The following PDE11A variants were observed in gnomAD, a reference collection of about 807,000 sequenced individuals.
The protein encoded by PDE11A is dual 3',5'-cyclic-AMP and -GMP phosphodiesterase 11A.
Under a neutral mutation model 100.5 loss-of-function variants are expected in PDE11A, and 100 were observed. The observed-to-expected ratio is 1.00, with a 90% CI of 0.85 to 1.18. The LOEUF (loss-of-function observed/expected upper bound fraction) is 1.18, where lower values mean the gene tolerates loss of function less well. Ranked by LOEUF, PDE11A falls within the 50% of genes most tolerant of loss-of-function variation. PDE11A has a pLI of 0.00. For synonymous variants in PDE11A, 381 were observed against 420.8 expected (o/e 0.91, Z 1.16); for missense variants, 1,141 against 1,152.6 (o/e 0.99, Z 0.15).
At chr2:177,782,800 CTT>C (rs2082472573) in intron 9 of PDE11A, among the ~76,000 whole-genome samples, 1 of 151,872 alleles carries the variant, frequency 6.6e-6, no homozygotes. Context: ...TTTCTCCCTC[CTT>C]TTTCTTCTCT....
intron 17 of PDE11A, among the ~76,000 whole-genome samples, chr2:177,673,288 G>A (rs1158681199): frequency 6.6e-6 from 1 of 152,204 alleles, no homozygotes; most frequent in Non-Finnish European, 1.5e-5. Flanking sequence ...GAAGAAGGCA[G>A]TTTGACCTTC....
intron 19 of PDE11A, among the ~76,000 whole-genome samples, chr2:177,660,124 TTTC>T (rs2080462913): frequency 2.6e-5 from 3 of 113,898 alleles, no homozygotes; most frequent in African/African-American, 9.4e-5. Flanking sequence ...TCTTTCTTTC[TTTC>T]TTTCATTCCT....
intron 10 of PDE11A, among the ~76,000 whole-genome samples, chr2:177,746,679 C>T (rs568987899): frequency 6.6e-6 from 1 of 152,266 alleles, no homozygotes; most frequent in Non-Finnish European, 1.5e-5. Context: ...AATTGCAATC[C>T]TAGATTCCTA....
In PDE11A at chr2:178,072,115, C is replaced by T; in HGVS notation, c.323G>A (p.Gly108Asp). Reference sequence around the variant, plus strand: ...AGCTCTCCGCTGCAGGTTCCCATCGCCCCTGCTGCCACCGGCCCAGCTGGG... The same window carrying T: ...AGCTCTCCGCTGCAGGTTCCCATCGTCCCTGCTGCCACCGGCCCAGCTGGG... ...LSPSWAGGSR[G>D]DGNLQRRASQ... is the part of the protein sequence containing the mutation. Residue 108 changes from glycine to aspartate, a missense_variant, in exon 1 of 20, where the codon GGC (glycine) becomes GAC (aspartate). Coordinates refer to ENST00000286063, the MANE Select transcript of PDE11A (RefSeq NM_016953.4). 1 of 1,613,724 alleles carries T rather than the reference C, an allele frequency of 6.2e-7. No homozygotes were observed. The highest frequency in any genetic ancestry group is 8.5e-7 in the Non-Finnish European group (1 of 1,179,638).
intron 15 of PDE11A, among the ~76,000 whole-genome samples, chr2:177,695,485 A>G (rs1404643200): frequency 1.3e-5 from 2 of 152,146 alleles, no homozygotes; most frequent in Admixed American, 6.5e-5. Flanking sequence ...CTGTACTTCT[A>G]CTTGCTAAAT....
chr2:177,902,909 C>A (rs80189011), intron 3 of PDE11A, among the ~76,000 whole-genome samples: 2,832 of 152,332 alleles, frequency 0.019, 52 homozygotes, highest in South Asian at 0.046. Flanking sequence ...TAAGTCCTCT[C>A]ACTGCTCCAG....
At chr2:177,784,436 C>T (rs1481638935) in intron 9 of PDE11A, among the ~76,000 whole-genome samples, 2 of 151,966 alleles carry the variant, frequency 1.3e-5, no homozygotes, top group Non-Finnish European at 2.9e-5. Context: ...GGAGAGGATC[C>T]CTCAATTCTG....
intron 9 of PDE11A, among the ~76,000 whole-genome samples, chr2:177,778,952 G>C (rs2082415727): frequency 7.4e-6 from 1 of 134,932 alleles, no homozygotes; most frequent in Non-Finnish European, 1.6e-5. Context: ...ATCTAAGAAA[G>C]ATTCATTTTT....
intron 2 of PDE11A, among the ~76,000 whole-genome samples, chr2:177,927,871 G>C (rs984922737): frequency 1.3e-5 from 2 of 152,064 alleles, no homozygotes; most frequent in African/African-American, 4.8e-5. Flanking sequence ...TTGGGAGGCC[G>C]AGATGGGCAG....
At chr2:177,787,448 A>G (rs1439069968) in intron 9 of PDE11A, among the ~76,000 whole-genome samples, 5 of 152,092 alleles carry the variant, frequency 3.3e-5, no homozygotes, top group Non-Finnish European at 7.4e-5. Context: ...CAAAATGTAA[A>G]GACCATCGAG....
chr2:178,032,384 T>C (rs1305500739), intron 1 of PDE11A, among the ~76,000 whole-genome samples: 1 of 151,738 alleles, frequency 6.6e-6, no homozygotes, highest in Non-Finnish European at 1.5e-5. Context: ...CTGGAGAGGC[T>C]GAGGCAGGAG....
intron 13 of PDE11A, among the ~76,000 whole-genome samples, chr2:177,704,478 A>G (rs2081249793): frequency 6.6e-6 from 1 of 152,166 alleles, no homozygotes; most frequent in Non-Finnish European, 1.5e-5. Flanking sequence ...GTCTCAGGCC[A>G]AGGCCCATTA....
intron 5 of PDE11A, among the ~76,000 whole-genome samples, chr2:177,871,525 A>ATT (rs2084133618): frequency 8.0e-5 from 11 of 138,266 alleles, no homozygotes; most frequent in African/African-American, 2.5e-4. Flanking sequence ...GTCAGTAGTA[A>ATT]ATTATTATTA....
intron 15 of PDE11A, among the ~76,000 whole-genome samples, chr2:177,693,155 C>A (rs2081065937): frequency 6.6e-6 from 1 of 152,176 alleles, no homozygotes; most frequent in Admixed American, 6.5e-5. Context: ...GGCTCACCCA[C>A]CCCTCTCCTG....
At chr2:177,853,265 C>T (rs183966518) in intron 5 of PDE11A, among the ~76,000 whole-genome samples, 6 of 151,990 alleles carry the variant, frequency 3.9e-5, no homozygotes, top group Admixed American at 6.6e-5. Flanking sequence ...CTTTGCAGGG[C>T]TGTTTGGAGG....
intron 5 of PDE11A, among the ~76,000 whole-genome samples, chr2:177,847,723 G>A (rs2083624456): frequency 6.6e-6 from 1 of 152,142 alleles, no homozygotes; most frequent in Non-Finnish European, 1.5e-5. Context: ...ATAGAAGAAG[G>A]GAAGAATACT....
intron 5 of PDE11A, among the ~76,000 whole-genome samples, chr2:177,871,257 A>G (rs1270043388): frequency 6.6e-6 from 1 of 152,098 alleles, no homozygotes; most frequent in Non-Finnish European, 1.5e-5. Flanking sequence ...TTTAGGGGCT[A>G]GGCAACAGAC....
intron 2 of PDE11A, among the ~76,000 whole-genome samples, chr2:177,973,137 G>A (rs557589514): frequency 3.3e-5 from 5 of 151,188 alleles, no homozygotes; most frequent in Admixed American, 6.6e-5. Flanking sequence ...CGTGAGCGAC[G>A]CAGAAGACGG....
intron 10 of PDE11A, among the ~76,000 whole-genome samples, chr2:177,730,345 T>C (rs1160783611): frequency 1.3e-5 from 2 of 152,194 alleles, no homozygotes; most frequent in African/African-American, 4.8e-5. Context: ...TAAGCCCTTT[T>C]CTTAATTGGA....
Sources: gnomAD v4.1 joint callset for allele counts (sites outside exome capture counted in the v4.1 genomes callset) on GRCh38, gnomAD v4.1.1 for gene constraint, MANE v1.5 for transcripts, NCBI Gene and HGNC (gene_info 2026-07-23, HGNC 2026-07-21) for gene names.